CCDC7: variants seen among roughly 807,000 people sequenced by gnomAD.
The protein encoded by CCDC7 is coiled-coil domain containing 7.
A neutral mutation model predicts 196.9 loss-of-function variants in CCDC7; 183 were observed. That is an observed-to-expected ratio of 0.93 (90% confidence interval 0.82 to 1.05). The LOEUF (loss-of-function observed/expected upper bound fraction) is 1.05. CCDC7 is among the 50% of genes least tolerant of loss of function. CCDC7 has a pLI of 0.00. For missense variants in CCDC7, 1,540 were observed against 1,482.2 expected, an observed-to-expected ratio of 1.04 and a Z score of -0.64; for synonymous variants, 525 against 484.6, an observed-to-expected ratio of 1.08 and a Z score of -1.10.
Position 32,565,543 on chromosome 10 carries a change from CT to C in CCDC7, c.1135-13del. ...ACCAAAGTAAATACCTTTTTTCCCC[CT>C]TCTTACTTCCTAGAAAGTAGCACGT... On this transcript the variant is annotated splice_polypyrimidine_tract_variant and intron_variant, in intron 13 of 41. Coordinates refer to ENST00000639629, the Ensembl canonical transcript of CCDC7. 6.2e-7 allele frequency: 1 copy of C among 1,603,052 alleles called. No individual in the cohort carries two copies. The highest frequency in any genetic ancestry group is 8.5e-7 in the Non-Finnish European group (1 of 1,175,436).
intron 9 of CCDC7, among the ~76,000 whole-genome samples, chr10:32,502,733 A>G (rs181582786): frequency 2.8e-4 from 43 of 152,310 alleles, no homozygotes; most frequent in Admixed American, 2.5e-3. Context: ...TTGAATCTCT[A>G]AGTTATTTTG....
rs544908899 is a variant in CCDC7, at chr10:32,728,779, C to T, written c.2669-108C>T. On this transcript the variant is annotated intron_variant, in intron 26 of 41. Coordinates refer to ENST00000639629, the Ensembl canonical transcript of CCDC7. ...TATTCTATTTTTGTGTCAGATCTAG[C>T]ATTATGGTAATTTACTTATAACTTT... 1.5e-4 allele frequency: 83 copies of T among 557,256 alleles called. No individual in the cohort carries two copies. The African/African-American group carries it at 1.5e-3, about 10-fold the overall frequency. 34.5% of individuals were successfully genotyped at this position (557,256 alleles called of 1,614,324 possible).
At chr10:32,847,463 T>C (rs188264484) in intron 37 of CCDC7, among the ~76,000 whole-genome samples, 361 of 152,210 alleles carry the variant, frequency 2.4e-3, no homozygotes, top group Non-Finnish European at 3.9e-3. Flanking sequence ...TAAAGGAAAT[T>C]ATTCTTAAGG....
chr10:32,825,263 C>T (rs1025063711), intron 32 of CCDC7, among the ~76,000 whole-genome samples: 19 of 152,108 alleles, frequency 1.2e-4, no homozygotes, highest in African/African-American at 4.1e-4. Context: ...TTGAAGGATT[C>T]GAAGTATTGA....
intron 2 of CCDC7, among the ~76,000 whole-genome samples, chr10:32,455,417 C>T (rs533864157): frequency 5.3e-5 from 8 of 152,058 alleles, no homozygotes; most frequent in South Asian, 2.1e-4. Context: ...TGGATTCAAG[C>T]GCTTTTCGTG....
At chr10:32,487,342 CT>C (rs1329765593) in intron 8 of CCDC7, among the ~76,000 whole-genome samples, 1 of 152,200 alleles carries the variant, frequency 6.6e-6, no homozygotes, top group East Asian at 1.9e-4. Context: ...TCCATCAGTC[CT>C]TTAAGGACTT....
At chr10:32,513,438 C>T (rs893875274) in intron 9 of CCDC7, 1 of 151,960 alleles carries the variant, frequency 6.6e-6, no homozygotes, top group Non-Finnish European at 1.5e-5. Flanking sequence ...AATACCAGGC[C>T]TGTACAAACT....
chr10:32,651,490 G>T (rs780642026), intron 20 of CCDC7, among the ~76,000 whole-genome samples: 2 of 152,112 alleles, frequency 1.3e-5, no homozygotes, highest in Non-Finnish European at 2.9e-5. Flanking sequence ...AAGAGTTAAA[G>T]AAAAAGGAAA....
At chr10:32,516,814 T>A (rs954346880) in intron 9 of CCDC7, among the ~76,000 whole-genome samples, 2 of 152,184 alleles carry the variant, frequency 1.3e-5, no homozygotes, top group Non-Finnish European at 2.9e-5. Context: ...TGTGTCTAGG[T>A]TTATACATGA....
chr10:32,509,130 C>G (rs1229655958), intron 9 of CCDC7, among the ~76,000 whole-genome samples: 1 of 152,068 alleles, frequency 6.6e-6, no homozygotes. Flanking sequence ...GCCACTGCAC[C>G]TGGCCCTTAC....
intron 18 of CCDC7, among the ~76,000 whole-genome samples, chr10:32,620,552 C>A (rs1418852504): frequency 2.0e-5 from 3 of 151,086 alleles, no homozygotes; most frequent in African/African-American, 7.3e-5. Flanking sequence ...TACTTGATTG[C>A]CATTTATAAT....
intron 33 of CCDC7, among the ~76,000 whole-genome samples, chr10:32,840,409 G>T (rs1335019757): frequency 6.6e-6 from 1 of 151,994 alleles, no homozygotes; most frequent in East Asian, 1.9e-4. Context: ...TAGAGGAGAT[G>T]AATAAATTCC....
At chr10:32,539,126 A>G (rs989551367) in intron 11 of CCDC7, among the ~76,000 whole-genome samples, 1 of 151,838 alleles carries the variant, frequency 6.6e-6, no homozygotes, top group Non-Finnish European at 1.5e-5. Flanking sequence ...TTGGCTGTGA[A>G]TCTCTCTGGT....
chr10:32,688,463 C>T (rs927075541), intron 22 of CCDC7, among the ~76,000 whole-genome samples: 2 of 152,136 alleles, frequency 1.3e-5, no homozygotes, highest in Admixed American at 6.5e-5. Flanking sequence ...ATAGATATCT[C>T]CCCATATTTT....
intron 9 of CCDC7, among the ~76,000 whole-genome samples, chr10:32,517,366 C>T (rs2947051): frequency 0.14 from 21,013 of 151,784 alleles, 1,763 homozygotes; most frequent in East Asian, 0.25. Flanking sequence ...TGAAATCCAA[C>T]CCACTAATAA....
chr10:32,798,132 C>T (rs531757333), intron 29 of CCDC7, among the ~76,000 whole-genome samples: 1 of 152,186 alleles, frequency 6.6e-6, no homozygotes, highest in African/African-American at 2.4e-5. Context: ...CATAGGCAAA[C>T]GCATAACTGG....
chr10:32,798,689 G>A (rs1450451198), intron 29 of CCDC7, among the ~76,000 whole-genome samples: 2 of 152,140 alleles, frequency 1.3e-5, no homozygotes, highest in Non-Finnish European at 2.9e-5. Flanking sequence ...GCATATAATT[G>A]CACATCTGGC....
chr10:32,533,917 C>A (rs2050084599), intron 11 of CCDC7, among the ~76,000 whole-genome samples: 2 of 152,008 alleles, frequency 1.3e-5, no homozygotes, highest in South Asian at 4.1e-4. Context: ...CTCAGAATTT[C>A]TTTTACCTGG....
At chr10:32,700,959 A>G (rs2078609363) in intron 24 of CCDC7, among the ~76,000 whole-genome samples, 1 of 152,214 alleles carries the variant, frequency 6.6e-6, no homozygotes, top group East Asian at 1.9e-4. Flanking sequence ...TTTTGGGCTG[A>G]GACAATGGGG....
Sources: allele counts gnomAD v4.1 joint callset (sites outside exome capture counted in the v4.1 genomes callset), GRCh38; gene constraint gnomAD v4.1.1; transcripts MANE v1.5; gene names NCBI Gene and HGNC (gene_info 2026-07-23, HGNC 2026-07-21).